CARNMT1: variants seen among roughly 807,000 people sequenced by gnomAD.
The protein encoded by CARNMT1 is carnosine N-methyltransferase 1.
Under a neutral mutation model 49.6 loss-of-function variants are expected in CARNMT1, and 28 were observed. The ratio of observed to expected loss-of-function variants is 0.56; its 90% CI spans 0.42 to 0.77. CARNMT1 has a LOEUF of 0.77. Among genes scored for constraint, CARNMT1 ranks in the 30% least tolerant of loss-of-function variants. The pLI is 0.00. For synonymous variants in CARNMT1, 178 were observed against 175.0 expected, an observed-to-expected ratio of 1.02 and a Z score of -0.13; for missense variants, 421 against 512.6, an observed-to-expected ratio of 0.82 and a Z score of 1.73.
chr9:75,015,428 T>C (rs1833816374), intron 3 of CARNMT1, among the ~76,000 whole-genome samples: 1 of 152,222 alleles, frequency 6.6e-6, no homozygotes, highest in African/African-American at 2.4e-5. Context: ...TTAAATATTT[T>C]GATAACTGTA....
intron 6 of CARNMT1, 178 bp downstream of exon 6, chr9:74,996,268 TC>T (rs1299766682): frequency 4.0e-6 from 2 of 498,122 alleles, no homozygotes; most frequent in African/African-American, 3.9e-5. Context: ...CTTCTGAGCT[TC>T]CACTGCCTTT....
chr9:75,005,827 AACACACAC>A (rs10569961), intron 3 of CARNMT1, among the ~76,000 whole-genome samples: 12,592 of 135,748 alleles, frequency 0.093, 632 homozygotes, highest in Middle Eastern at 0.21. Flanking sequence ...GTGAAATTAA[AACACACAC>A]ACACACACAC....
chr9:75,014,338 G>T (rs531405180), intron 3 of CARNMT1, among the ~76,000 whole-genome samples: 7 of 151,692 alleles, frequency 4.6e-5, no homozygotes, highest in Non-Finnish European at 1.0e-4. Context: ...ACGTATTGAT[G>T]TTGTTGGAAG....
At chr9:74,993,607 G>A (rs61013545) in intron 6 of CARNMT1, among the ~76,000 whole-genome samples, 3,437 of 152,216 alleles carry the variant, frequency 0.023, 128 homozygotes, top group African/African-American at 0.077. Context: ...TGAAATTGGA[G>A]CAATGGTTCT....
intron 7 of CARNMT1, 52 bp downstream of exon 7, chr9:74,984,855 T>C: frequency 8.6e-7 from 1 of 1,168,612 alleles, no homozygotes; most frequent in South Asian, 1.2e-5. Flanking sequence ...TCAACACTTC[T>C]GTTGAGGTGC....
Position 74,984,899 on chromosome 9 carries a change from ATT to A in CARNMT1, c.1128+6_1128+7del. Reference sequence around the variant, plus strand: ...TTAAACTTTGGCAATATTTTATTCCATTCTTACCTCTACCTTGAATCCATACT... The same window carrying A: ...TTAAACTTTGGCAATATTTTATTCCACTTACCTCTACCTTGAATCCATACT... On this transcript the variant is annotated splice_donor_region_variant and intron_variant, in intron 7 of 7. Transcript: ENST00000376834. The A allele has an allele frequency of 6.3e-7, 1 of 1,593,140 alleles. No individual in the cohort carries two copies. The highest frequency in any genetic ancestry group is 8.6e-7 in the Non-Finnish European group (1 of 1,161,342).
At position 74,999,806 on chromosome 9, in the gene CARNMT1, C is replaced by G. The variant is rs532342573; in HGVS notation, c.655G>C (p.Ala219Pro). 6.2e-7 allele frequency: 1 copy of G among 1,612,712 alleles called. No homozygotes were observed. The highest frequency in any genetic ancestry group is 1.1e-5 in the South Asian group (1 of 90,932). ...AGLGRLAWEI[A>P]MLGYACQGNE... ...CCTTGACAAGCATAACCTAGCATAG[C>G]TATTTCCCAGGCCAGTCTTCCTAGT... Residue 219 changes from alanine (A) to proline (P), a missense_variant, in exon 4 of 8, where the codon GCT becomes CCT. Ala to Pro is a conservative substitution (Grantham distance 27, BLOSUM62 -1). Transcript: ENST00000376834.
intron 6 of CARNMT1, chr9:74,991,063 T>C (rs1433370881): frequency 6.6e-6 from 1 of 152,052 alleles, no homozygotes; most frequent in Non-Finnish European, 1.5e-5. Flanking sequence ...TAAGCTCATA[T>C]AGTGATATTG....
intron 1 of CARNMT1, among the ~76,000 whole-genome samples, 193 bp from the exon 2 acceptor site, chr9:75,017,641 T>TC (rs1833891852): frequency 6.6e-6 from 1 of 152,198 alleles, no homozygotes; most frequent in Admixed American, 6.5e-5. Context: ...CAAGTCCTTC[T>TC]CTAAGCAACC....
chr9:75,002,364 A>G (rs537711417), intron 3 of CARNMT1, among the ~76,000 whole-genome samples: 1 of 152,216 alleles, frequency 6.6e-6, no homozygotes, highest in Non-Finnish European at 1.5e-5. Flanking sequence ...GTAGAAGTAA[A>G]TACAACTTTT....
intron 3 of CARNMT1, among the ~76,000 whole-genome samples, chr9:75,011,829 C>T (rs916345211): frequency 2.6e-5 from 4 of 152,256 alleles, no homozygotes; most frequent in South Asian, 2.1e-4. Flanking sequence ...CAGCTAAGAC[C>T]CTCAGTCCTA....
rs1299317484 is a variant in CARNMT1, at chr9:75,027,992, G to A, written c.230+20C>T. On this transcript the variant is annotated intron_variant, in intron 1 of 7. Transcript: ENST00000376834. Reference sequence around the variant, plus strand: ...GGGCGCCCCGACGGTCTGGGCCGGGGTCCGCCACGGGCTCCTTACCCGTAG... The same window carrying A: ...GGGCGCCCCGACGGTCTGGGCCGGGATCCGCCACGGGCTCCTTACCCGTAG... 5.2e-6 allele frequency: 8 copies of A among 1,551,032 alleles called. No homozygotes were observed. In the Admixed American group the frequency reaches 7.7e-5, roughly 15 times the overall value.
At chr9:75,024,906 A>G (rs1050686642) in intron 1 of CARNMT1, among the ~76,000 whole-genome samples, 1 of 152,176 alleles carries the variant, frequency 6.6e-6, no homozygotes, top group African/African-American at 2.4e-5. Context: ...CCAATAACAT[A>G]AACAACTGAC....
intron 6 of CARNMT1, among the ~76,000 whole-genome samples, chr9:74,993,224 T>C (rs1177839284): frequency 6.6e-6 from 1 of 152,112 alleles, no homozygotes; most frequent in African/African-American, 2.4e-5. Flanking sequence ...GCAGAGTCTC[T>C]TAGAACATAA....
intron 3 of CARNMT1, among the ~76,000 whole-genome samples, chr9:75,005,718 C>T (rs2118818268): frequency 6.6e-6 from 1 of 151,996 alleles, no homozygotes; most frequent in Admixed American, 6.6e-5. Context: ...CGTGATCCAC[C>T]CACCTCCGCC....
intron 3 of CARNMT1, among the ~76,000 whole-genome samples, chr9:75,003,111 A>G (rs991484755): frequency 6.6e-6 from 1 of 152,118 alleles, no homozygotes; most frequent in African/African-American, 2.4e-5. Context: ...TTACCTCTTC[A>G]TCAACTCCCA....
intron 3 of CARNMT1, among the ~76,000 whole-genome samples, chr9:75,014,198 T>C (rs1390509184): frequency 1.3e-5 from 2 of 152,108 alleles, no homozygotes; most frequent in African/African-American, 2.4e-5. Flanking sequence ...TATACAACCT[T>C]AGTCTAAGGG....
At chr9:75,028,382 G>C (rs117169590), upstream of CARNMT1, 2,348 of 1,298,354 alleles carry the variant, frequency 1.8e-3, 67 homozygotes, top group East Asian at 0.062. Flanking sequence ...GCCACCCTCA[G>C]GCCTCCATCC....
rs758153537 is a variant in CARNMT1 at position 75,014,432 on chromosome 9, C to A, written c.590+1836G>T. On this transcript the variant is annotated intron_variant, in intron 3 of 7. Transcript: ENST00000376834. Reference sequence around the variant, plus strand: ...TGGAATTAAGAGTTATCAGTATGAACCACAGTAAATTATGAAACTTGAATA... The same window carrying A: ...TGGAATTAAGAGTTATCAGTATGAAACACAGTAAATTATGAAACTTGAATA... Among the ~76,000 whole-genome samples the A allele has an allele frequency of 2.9e-4, 44 of 152,040 alleles. 2 individuals are homozygous for A. The highest frequency in any genetic ancestry group is 4.7e-4 in the Non-Finnish European group (32 of 67,998).
Sources: gnomAD v4.1 joint callset for allele counts (sites outside exome capture counted in the v4.1 genomes callset) on GRCh38, gnomAD v4.1.1 for gene constraint, MANE v1.5 for transcripts, NCBI Gene and HGNC (gene_info 2026-07-23, HGNC 2026-07-21) for gene names.